TENM2: variants seen among roughly 807,000 people sequenced by gnomAD.
TENM2 encodes the protein teneurin-2.
In TENM2, 52 loss-of-function variants were observed where a neutral mutation model predicts 245.2. The ratio of observed to expected loss-of-function variants is 0.21; its 90% CI spans 0.17 to 0.27. TENM2 has a LOEUF of 0.27. Ranked by LOEUF, TENM2 falls within the 10% of genes least tolerant of loss-of-function variation. TENM2 has a pLI of 1.00. For missense variants in TENM2, 3,046 were observed against 3,666.8 expected, an observed-to-expected ratio of 0.83 and a Z score of 4.37; for synonymous variants, 1,363 against 1,438.9, an observed-to-expected ratio of 0.95 and a Z score of 1.19.
At chr5:167,670,871 G>C (rs550226159) in intron 2 of TENM2, among the ~76,000 whole-genome samples, 2 of 152,144 alleles carry the variant, frequency 1.3e-5, no homozygotes, top group East Asian at 3.9e-4. Context: ...GTTCATCCTT[G>C]CTTCTTTTTT....
At chr5:168,054,905 C>A (rs1372230602) in intron 6 of TENM2, among the ~76,000 whole-genome samples, 1 of 152,186 alleles carries the variant, frequency 6.6e-6, no homozygotes, top group East Asian at 1.9e-4. Context: ...CTAGCCAGAA[C>A]AATTGTATCT....
At chr5:167,273,182 T>C in the TENM2 span, among the ~76,000 whole-genome samples, 1 of 152,124 alleles carries the variant, frequency 6.6e-6, no homozygotes, top group African/African-American at 2.4e-5. Context: ...TCTGTTTTGC[T>C]AAAGTGATGG....
chr5:167,640,892 T>TATATATCC (rs1779556274), intron 2 of TENM2, among the ~76,000 whole-genome samples: 2 of 96,244 alleles, frequency 2.1e-5, no homozygotes, highest in Non-Finnish European at 4.2e-5. Context: ...TATATATATA[T>TATATATCC]ATATATATAT....
intron 2 of TENM2, among the ~76,000 whole-genome samples, chr5:167,548,426 C>A (rs772564352): frequency 8.5e-5 from 13 of 152,054 alleles, no homozygotes; most frequent in Non-Finnish European, 1.6e-4. Flanking sequence ...TTCTAATAAG[C>A]ATTTTAGCAT....
upstream of TENM2, among the ~76,000 whole-genome samples, chr5:167,283,747 A>G (rs532918592): frequency 7.2e-5 from 11 of 152,310 alleles, no homozygotes; most frequent in African/African-American, 2.6e-4. Context: ...CCTGTGGTCT[A>G]TGCTATTTTG....
the TENM2 span, among the ~76,000 whole-genome samples, chr5:167,132,892 C>T: frequency 6.6e-6 from 1 of 152,226 alleles, no homozygotes; most frequent in South Asian, 2.1e-4. Context: ...TAGATGTTCA[C>T]TCCTCTCTGC....
intron 2 of TENM2, among the ~76,000 whole-genome samples, chr5:167,375,701 G>A (rs1014842520): frequency 6.6e-6 from 1 of 152,184 alleles, no homozygotes; most frequent in Non-Finnish European, 1.5e-5. Flanking sequence ...CAGCATTCAG[G>A]TGTAGTCAGT....
At chr5:167,127,506 G>A in the TENM2 span, among the ~76,000 whole-genome samples, 1 of 151,620 alleles carries the variant, frequency 6.6e-6, no homozygotes, top group African/African-American at 2.4e-5. Flanking sequence ...CATTTAGAAA[G>A]CCATTAAAAC....
chr5:167,451,694 G>T (rs187671243), intron 2 of TENM2, among the ~76,000 whole-genome samples: 21 of 151,958 alleles, frequency 1.4e-4, no homozygotes, highest in African/African-American at 4.8e-4. Flanking sequence ...TGTCACCCAG[G>T]CTGGAGTGCA....
chr5:167,507,337 T>C (rs1033613128), intron 2 of TENM2, among the ~76,000 whole-genome samples: 21 of 152,180 alleles, frequency 1.4e-4, no homozygotes, highest in African/African-American at 5.1e-4. Context: ...TCATTAAAAA[T>C]AGGATTTCTC....
At chr5:168,007,491 C>T (rs752001136) in intron 5 of TENM2, among the ~76,000 whole-genome samples, 6 of 152,102 alleles carry the variant, frequency 3.9e-5, no homozygotes, top group African/African-American at 7.2e-5. Context: ...CTCGGTGCTA[C>T]GCCACCCTGC....
At chr5:167,415,968 A>G (rs1025516816) in intron 2 of TENM2, among the ~76,000 whole-genome samples, 1 of 152,178 alleles carries the variant, frequency 6.6e-6, no homozygotes, top group African/African-American at 2.4e-5. Context: ...ATGAATTGTC[A>G]GGAGAAGTAA....
At chr5:168,112,164 G>C (rs1200402806) in intron 9 of TENM2, among the ~76,000 whole-genome samples, 2 of 152,064 alleles carry the variant, frequency 1.3e-5, no homozygotes, top group South Asian at 2.1e-4. Flanking sequence ...TTAGTCTCCA[G>C]TATTTTTTCA....
chr5:167,951,876 G>C (rs1338527734), intron 3 of TENM2, among the ~76,000 whole-genome samples: 1 of 151,594 alleles, frequency 6.6e-6, no homozygotes. Context: ...ACGCAAATAT[G>C]TGTGTATACA....
chr5:168,090,844 C>G lies in TENM2; in HGVS notation c.1711+75C>G, dbSNP rs1274360740. On this transcript the variant is annotated intron_variant, in intron 8 of 28. Coordinates refer to ENST00000518659, the Ensembl canonical transcript of TENM2. ...GTTCTGGGCTTCTCTGCAGAAGACA[C>G]ATCTTCTAAGGTAGTTTCTACTACA... The G allele has an allele frequency of 6.4e-5, 85 of 1,329,538 alleles. 3 individuals carry two copies. The South Asian group carries it at 1.1e-3, about 17-fold the overall frequency. 82.4% of individuals were successfully genotyped at this position (1,329,538 alleles called of 1,614,324 possible). A position where few individuals can be genotyped will look rare whatever the true frequency, so the allele number is the denominator to read the frequency against.
chr5:167,434,758 A>G (rs13156620), intron 2 of TENM2, among the ~76,000 whole-genome samples: 39,878 of 152,104 alleles, frequency 0.26, 6,078 homozygotes, highest in African/African-American at 0.4. Context: ...TAAAGTAGCT[A>G]AGGCTTAAAA....
chr5:168,009,220 A>G lies in TENM2; in HGVS notation c.1186+16038A>G, dbSNP rs545008089. ...ATGTGGCATGTGGTCCTGGGAGTCTATACCGTTGCCCTTTTTGATTTGGGG... is the reference window on the plus strand; with the variant it reads ...ATGTGGCATGTGGTCCTGGGAGTCTGTACCGTTGCCCTTTTTGATTTGGGG... On this transcript the variant is annotated intron_variant, in intron 5 of 28. Transcript: ENST00000518659. 2.0e-5 allele frequency among the ~76,000 whole-genome samples: 3 copies of G among 152,352 alleles called. No homozygotes were observed. The East Asian group carries it at 5.8e-4, about 29-fold the overall frequency.
At chr5:167,350,817 T>C (rs775645779) in intron 1 of TENM2, among the ~76,000 whole-genome samples, 2,897 of 69,384 alleles carry the variant, frequency 0.042, 17 homozygotes, top group East Asian at 0.11. Context: ...TATATACATA[T>C]GGATATATAT....
chr5:167,044,552 A>G, the TENM2 span, among the ~76,000 whole-genome samples: 1 of 152,142 alleles, frequency 6.6e-6, no homozygotes, highest in African/African-American at 2.4e-5. Context: ...AGACCATGAG[A>G]GATTGTGGCC....
Sources: gnomAD v4.1 joint callset for allele counts (sites outside exome capture counted in the v4.1 genomes callset) on GRCh38, gnomAD v4.1.1 for gene constraint, MANE v1.5 for transcripts, NCBI Gene and HGNC (gene_info 2026-07-23, HGNC 2026-07-21) for gene names.